The following ROBO2 variants were observed in gnomAD, a reference collection of about 807,000 sequenced individuals.
ROBO2 encodes roundabout homolog 2.
ROBO2 carries 53 observed loss-of-function variants against 160.8 expected under a neutral mutation model. That is an observed-to-expected ratio of 0.33 (90% CI 0.26 to 0.41). ROBO2 has a LOEUF of 0.41. ROBO2 is among the 10% of genes least tolerant of loss of function. The pLI, the probability that ROBO2 is intolerant of heterozygous loss-of-function variation, is 1.00. For synonymous variants in ROBO2, 664 were observed against 611.7 expected, an observed-to-expected ratio of 1.09 and a Z score of -1.26; for missense variants, 1,577 against 1,722.4, an observed-to-expected ratio of 0.92 and a Z score of 1.49.
chr3:76,984,114 C>T (rs929099140), intron 2 of ROBO2, among the ~76,000 whole-genome samples: 1 of 152,082 alleles, frequency 6.6e-6, no homozygotes, highest in African/African-American at 2.4e-5. Flanking sequence ...AAACCGCCCC[C>T]CGGGATCCAG....
At chr3:77,067,584 G>A (rs985526963) in intron 1 of ROBO2, among the ~76,000 whole-genome samples, 8 of 152,302 alleles carry the variant, frequency 5.3e-5, no homozygotes, top group Admixed American at 4.6e-4. Context: ...ATAGCATTAA[G>A]CAAGGTAACA....
At chr3:77,146,695 TG>T (rs1553797374) in intron 2 of ROBO2, among the ~76,000 whole-genome samples, 1 of 151,986 alleles carries the variant, frequency 6.6e-6, no homozygotes, top group Non-Finnish European at 1.5e-5. Context: ...TGGCCAGGCA[TG>T]GTGGCTCACG....
intron 2 of ROBO2, among the ~76,000 whole-genome samples, chr3:76,435,811 A>G (rs966979597): frequency 6.6e-6 from 1 of 152,170 alleles, no homozygotes; most frequent in African/African-American, 2.4e-5. Context: ...ACACTGGTTA[A>G]TCTTTTTTTA....
chr3:77,044,713 A>C (rs2064461121), intron 1 of ROBO2, among the ~76,000 whole-genome samples: 1 of 152,108 alleles, frequency 6.6e-6, no homozygotes, highest in Admixed American at 6.6e-5. Flanking sequence ...TGACTTTCTC[A>C]CTTTTACCCC....
intron 2 of ROBO2, among the ~76,000 whole-genome samples, chr3:76,387,269 T>A (rs1290941951): frequency 6.6e-6 from 1 of 152,100 alleles, no homozygotes. Context: ...TCAGCATGAA[T>A]TTTGGAGGGA....
intron 2 of ROBO2, among the ~76,000 whole-genome samples, chr3:77,293,769 A>G (rs1421096656): frequency 1.4e-5 from 2 of 142,818 alleles, no homozygotes; most frequent in Middle Eastern, 3.6e-3. Context: ...CCAGACATAA[A>G]GTAAAATTGA....
At chr3:76,514,210 T>C (rs2107790066) in intron 2 of ROBO2, among the ~76,000 whole-genome samples, 1 of 152,292 alleles carries the variant, frequency 6.6e-6, no homozygotes, top group East Asian at 1.9e-4. Flanking sequence ...TTGCTCTGTT[T>C]CCTGTGTTTT....
chr3:76,061,195 A>C (rs980332971), intron 2 of ROBO2, among the ~76,000 whole-genome samples: 2 of 152,238 alleles, frequency 1.3e-5, no homozygotes, highest in East Asian at 1.9e-4. Context: ...TGTAGTTATC[A>C]TTCCTAAAAC....
At chr3:77,428,513 C>T (rs1255421567) in intron 2 of ROBO2, among the ~76,000 whole-genome samples, 6 of 150,654 alleles carry the variant, frequency 4.0e-5, no homozygotes, top group African/African-American at 9.8e-5. Flanking sequence ...CCCGCCACCG[C>T]GCCCGGCTAA....
At chr3:77,604,969 C>T (rs2094497204) in intron 20 of ROBO2, among the ~76,000 whole-genome samples, 1 of 151,536 alleles carries the variant, frequency 6.6e-6, no homozygotes, top group East Asian at 1.9e-4. Flanking sequence ...ATAAAATCAC[C>T]AGCCTGAGCA....
At chr3:76,129,690 G>C (rs1367811147) in intron 2 of ROBO2, among the ~76,000 whole-genome samples, 1 of 152,046 alleles carries the variant, frequency 6.6e-6, no homozygotes, top group East Asian at 1.9e-4. Flanking sequence ...CATGAAAGCA[G>C]AGAAGTGGAA....
chr3:76,305,387 CAAAAAAAAAAAAAAAA>C (rs1166858558), intron 2 of ROBO2, among the ~76,000 whole-genome samples: 35 of 20,684 alleles, frequency 1.7e-3, no homozygotes, highest in South Asian at 3.4e-3. Flanking sequence ...CAAGATCTGT[CAAAAAAAAAAAAAAAA>C]AAAAAAAAAA....
chr3:76,057,927 T>C (rs1196600527), intron 2 of ROBO2, among the ~76,000 whole-genome samples: 1 of 152,176 alleles, frequency 6.6e-6, no homozygotes, highest in Admixed American at 6.5e-5. Context: ...TAAATGTAGA[T>C]AGGTAGTTAA....
Position 76,031,824 on chromosome 3 carries a change from C to CT in ROBO2, c.109+94231dup, listed in dbSNP as rs954974197. On this transcript the variant is annotated intron_variant, in intron 2 of 26. Transcript: ENST00000487694. ...ATCAGGGATATTGGTCTAAAATTCT[C>CT]TTTTTTTTTATTGTGTTTCTGCCAG... Among the ~76,000 whole-genome samples, 32 of 150,902 alleles carry CT rather than the reference C, an allele frequency of 2.1e-4. 1 individual carries two copies. The highest frequency in any genetic ancestry group is 9.7e-4 in the East Asian group (5 of 5,132).
chr3:76,753,618 A>G (rs1329709554), intron 2 of ROBO2, among the ~76,000 whole-genome samples: 1 of 151,922 alleles, frequency 6.6e-6, no homozygotes, highest in Non-Finnish European at 1.5e-5. Context: ...AGTATTTGAT[A>G]CTTCATATGC....
chr3:76,681,625 G>T (rs954466025), intron 2 of ROBO2, among the ~76,000 whole-genome samples: 2 of 152,138 alleles, frequency 1.3e-5, no homozygotes, highest in Admixed American at 1.3e-4. Flanking sequence ...GGTATGGTGT[G>T]GAACAGCATC....
intron 2 of ROBO2, among the ~76,000 whole-genome samples, chr3:76,569,445 A>G (rs1274519307): frequency 6.6e-6 from 1 of 152,214 alleles, no homozygotes; most frequent in Non-Finnish European, 1.5e-5. Flanking sequence ...GAGTCAGGCC[A>G]GGTTTTGCCA....
At chr3:77,125,180 A>G (rs2075196842) in intron 2 of ROBO2, among the ~76,000 whole-genome samples, 1 of 152,180 alleles carries the variant, frequency 6.6e-6, no homozygotes, top group Non-Finnish European at 1.5e-5. Context: ...AATTTAGGCC[A>G]GATATTCACA....
rs56233605 is a variant in ROBO2 at position 77,277,215 on chromosome 3, C to T, written c.388+178875C>T. Among the ~76,000 whole-genome samples the T allele has an allele frequency of 5.1e-3, 363 of 71,512 alleles. 3 individuals are homozygous for T. The highest frequency in any genetic ancestry group is 0.015 in the African/African-American group (323 of 21,726). The allele number at this position is 71,512 out of a possible 152,430, so 46.9% of individuals were successfully genotyped here. On this transcript the variant is annotated intron_variant, in intron 2 of 25. Coordinates refer to ENST00000461745, the Ensembl canonical transcript of ROBO2. ...TTCTTTCTTTCTTTCTTTCTTTCTT[C>T]TTTCTTTCTTTCTTGTCTTTCTTTC...
Sources: gnomAD v4.1 joint callset for allele counts (sites outside exome capture counted in the v4.1 genomes callset) on GRCh38, gnomAD v4.1.1 for gene constraint, MANE v1.5 for transcripts, NCBI Gene and HGNC (gene_info 2026-07-23, HGNC 2026-07-21) for gene names.